Variants in TRIM40 observed in about 807,000 individuals in gnomAD.
The protein encoded by TRIM40 is E3 ubiquitin ligase TRIM40.
TRIM40 carries 27 observed loss-of-function variants against 26.1 expected under a neutral mutation model. The observed-to-expected ratio is 1.04, with a 90% confidence interval of 0.76 to 1.43. TRIM40 has a LOEUF of 1.43. Ranked by LOEUF, TRIM40 falls within the 40% of genes most tolerant of loss-of-function variation. The pLI, the probability that TRIM40 is intolerant of heterozygous loss-of-function variation, is 0.00. For missense variants in TRIM40, 289 were observed against 307.9 expected, an observed-to-expected ratio of 0.94 and a Z score of 0.46; for synonymous variants, 114 against 120.0, an observed-to-expected ratio of 0.95 and a Z score of 0.33.
rs896890325 is a variant in TRIM40, at chr6:30,147,915, C to T, written c.*103C>T. Reference sequence around the variant, plus strand: ...CCACTGGGTCTACCCAGTGCATCTTCGGGCCTGCCAGCTCCTGAACATGTC... The same window carrying T: ...CCACTGGGTCTACCCAGTGCATCTTTGGGCCTGCCAGCTCCTGAACATGTC... On this transcript the variant is annotated 3_prime_UTR_variant, in exon 6 of 6. Coordinates refer to ENST00000396581, the MANE Select transcript of TRIM40 (RefSeq NM_001286633.2). 32 of 922,996 alleles carry T rather than the reference C, an allele frequency of 3.5e-5. No homozygotes were observed. The East Asian group carries it at 5.6e-4, about 16-fold the overall frequency. The allele number at this position is 922,996 out of a possible 1,614,324, so 57.2% of individuals were successfully genotyped here. A position where few individuals can be genotyped will look rare whatever the true frequency, so the allele number is the denominator to read the frequency against.
intron 2 of TRIM40, 113 bp downstream of exon 2, chr6:30,137,494 T>G (rs1304115974): frequency 3.3e-6 from 3 of 914,672 alleles, no homozygotes; most frequent in Non-Finnish European, 5.0e-6. Context: ...CATCTCTCTT[T>G]GTTTCTTCTG....
chr6:30,138,176 A>G (rs1413606744), intron 2 of TRIM40, among the ~76,000 whole-genome samples: 6 of 152,184 alleles, frequency 3.9e-5, no homozygotes. Context: ...ATCAGCATGT[A>G]TAGATCTTCT....
In TRIM40 at chr6:30,146,450, C is replaced by T. The variant is rs529859553; in HGVS notation, c.441+361C>T. On this transcript the variant is annotated intron_variant, in intron 3 of 5. Coordinates refer to ENST00000396581, the MANE Select transcript of TRIM40 (RefSeq NM_001286633.2). ...TTTTTGAGATGGAGCCTTGCTCTGT[C>T]GCCCAGGCTGGAGTGCAGTGGCACG... 7.1e-4 allele frequency among the ~76,000 whole-genome samples: 107 copies of T among 151,158 alleles called. 1 individual carries two copies. Among genetic ancestry groups the T allele is most frequent in the African/African-American group, 2.5e-3 (103 of 41,142 alleles).
chr6:30,145,797 T>C (rs557301300), intron 2 of TRIM40, among the ~76,000 whole-genome samples, 197 bp from the exon 3 acceptor site: 2 of 152,312 alleles, frequency 1.3e-5, no homozygotes, highest in South Asian at 4.1e-4. Flanking sequence ...CCATTACTAT[T>C]TCCCCCCATC....
chr6:30,140,734 G>A (rs995962498), intron 2 of TRIM40, among the ~76,000 whole-genome samples: 1 of 152,136 alleles, frequency 6.6e-6, no homozygotes, highest in African/African-American at 2.4e-5. Flanking sequence ...TAAAAAGTGG[G>A]TTGAAGGAAG....
intron 2 of TRIM40, among the ~76,000 whole-genome samples, chr6:30,143,435 T>TC (rs1397774606): frequency 6.8e-6 from 1 of 146,894 alleles, no homozygotes; most frequent in African/African-American, 2.5e-5. Context: ...ATTTTTCTTT[T>TC]TTTTTTTTTT....
rs943887122 is a variant in TRIM40 at position 30,142,516 on chromosome 6, AT to A, written c.346-3471del. ...CATTAGTTGTGTTTGTTTAACCTAC[AT>A]TTTTTTATTCTGTTATTTCTTCTTA... On this transcript the variant is annotated intron_variant, in intron 2 of 5. Transcript: ENST00000396581. Among the ~76,000 whole-genome samples, 11 of 152,200 alleles carry A rather than the reference AT, an allele frequency of 7.2e-5. No individual in the cohort carries two copies. In the East Asian group the frequency reaches 7.7e-4, roughly 11 times the overall value.
chr6:30,143,551 T>A (rs974394379), intron 2 of TRIM40, among the ~76,000 whole-genome samples: 2 of 152,064 alleles, frequency 1.3e-5, no homozygotes, highest in Non-Finnish European at 2.9e-5. Flanking sequence ...TTTGTCAGAT[T>A]TTAAAAATTT....
intron 2 of TRIM40, among the ~76,000 whole-genome samples, chr6:30,138,666 AT>A (rs1392537364): frequency 1.3e-5 from 2 of 152,180 alleles, no homozygotes; most frequent in Non-Finnish European, 1.5e-5. Context: ...GTATATCTTT[AT>A]TTTGCCAATT....
In TRIM40 at chr6:30,136,966, A is replaced by T; in HGVS notation, c.-71A>T. 1 of 1,503,996 alleles carries T rather than the reference A, an allele frequency of 6.6e-7. No homozygotes were observed. The allele number at this position is 1,503,996 out of a possible 1,614,324, so 93.2% of individuals were successfully genotyped here. A position where few individuals can be genotyped will look rare whatever the true frequency, so the allele number is the denominator to read the frequency against. On this transcript the variant is annotated 5_prime_UTR_variant, in exon 2 of 6. Transcript: ENST00000396581. ...CTTCTTATCTGGGACTGTTGAGGGC[A>T]ACAGGCCTTCCGAAGACCAGTGAAG...
intron 2 of TRIM40, among the ~76,000 whole-genome samples, chr6:30,139,461 G>T (rs1404624979): frequency 6.7e-6 from 1 of 149,196 alleles, no homozygotes; most frequent in East Asian, 2.0e-4. Context: ...CTTTGCCTCA[G>T]CCTCCCGAGT....
intron 2 of TRIM40, among the ~76,000 whole-genome samples, chr6:30,144,020 C>T (rs1370068063): frequency 1.3e-5 from 2 of 151,982 alleles, no homozygotes; most frequent in Non-Finnish European, 2.9e-5. Context: ...GCACTCCTGA[C>T]AGAGAGAAGT....
rs1771764855 is a variant in TRIM40, at chr6:30,147,815, T to C, written c.*3T>C. 6.2e-7 allele frequency: 1 copy of C among 1,613,630 alleles called. No homozygotes were observed. Among genetic ancestry groups the C allele is most frequent in the African/African-American group, 1.3e-5 (1 of 74,920 alleles). Reference sequence around the variant, plus strand: ...TTCAGCCCCCTCAGAAGCTCTGACCTGTTCATCCCTGGGACACCTCACTTC... The same window carrying C: ...TTCAGCCCCCTCAGAAGCTCTGACCCGTTCATCCCTGGGACACCTCACTTC... On this transcript the variant is annotated 3_prime_UTR_variant, in exon 6 of 6. Coordinates refer to ENST00000396581, the MANE Select transcript of TRIM40 (RefSeq NM_001286633.2).
chr6:30,145,602 G>T (rs1771596628), intron 2 of TRIM40, among the ~76,000 whole-genome samples: 1 of 152,156 alleles, frequency 6.6e-6, no homozygotes. Flanking sequence ...GCAGAGGGTT[G>T]CCATTTCCTC....
chr6:30,141,152 GGA>G (rs1176533851), intron 2 of TRIM40, among the ~76,000 whole-genome samples: 1 of 152,060 alleles, frequency 6.6e-6, no homozygotes, highest in Non-Finnish European at 1.5e-5. Context: ...GAAATTAACA[GGA>G]TTTAAAAAAA....
chr6:30,147,973 T>C lies in TRIM40; in HGVS notation c.*161T>C. ...CTTCATGTCCACAGTCATCACCTGA[T>C]GCCTGACCCTCTGACTCTTGGACGA... On this transcript the variant is annotated 3_prime_UTR_variant, in exon 6 of 6. Coordinates refer to ENST00000396581, the MANE Select transcript of TRIM40 (RefSeq NM_001286633.2). 1.6e-6 allele frequency: 1 copy of C among 632,786 alleles called. No homozygotes were observed. The highest frequency in any genetic ancestry group is 2.7e-5 in the East Asian group (1 of 36,740). The allele number at this position is 632,786 out of a possible 1,614,324, so 39.2% of individuals were successfully genotyped here.
At position 30,146,997 on chromosome 6, in the gene TRIM40, C is replaced by T. The variant is rs1208927213; in HGVS notation, c.454C>T (p.His152Tyr). 3.1e-6 allele frequency: 5 copies of T among 1,595,422 alleles called. No individual in the cohort carries two copies. The highest frequency in any genetic ancestry group is 1.1e-5 in the South Asian group (1 of 89,264). ...CCCTTTCCTGTAGTTTCAGGTAGAC[C>T]ACGGGAACCACAGGCTGGAGGCTGG... The part of the protein sequence containing the change: ...KLQALQFQVD[H>Y]GNHRLEAGPE... Residue 152 changes from histidine (H) to tyrosine (Y), a missense_variant, in exon 4 of 6, where the codon CAC (histidine) becomes TAC (tyrosine). By Grantham distance (83) the His-to-Tyr change is moderately conservative (BLOSUM62 2). Transcript: ENST00000396581.
intron 2 of TRIM40, among the ~76,000 whole-genome samples, chr6:30,138,082 CA>C (rs1771125198): frequency 6.6e-6 from 1 of 152,078 alleles, no homozygotes; most frequent in African/African-American, 2.4e-5. Flanking sequence ...CACACACACA[CA>C]CACACACCCT....
chr6:30,136,308 G>C (rs1378145148), intron 1 of TRIM40, 119 bp downstream of exon 1: 1 of 152,490 alleles, frequency 6.6e-6, no homozygotes, highest in Non-Finnish European at 1.5e-5. Flanking sequence ...TTCTTTCTTT[G>C]GGTCATCTTT....
Sources: allele counts gnomAD v4.1 joint callset (sites outside exome capture counted in the v4.1 genomes callset), GRCh38; gene constraint gnomAD v4.1.1; transcripts MANE v1.5; gene names NCBI Gene and HGNC (gene_info 2026-07-23, HGNC 2026-07-21).